MAGED1: variants seen among roughly 807,000 people sequenced by gnomAD.
The protein encoded by MAGED1 is melanoma-associated antigen D1.
In MAGED1, 3 loss-of-function variants were observed where a neutral mutation model predicts 54.1. That is an observed-to-expected ratio of 0.06 (90% CI 0.03 to 0.14). MAGED1 has a LOEUF of 0.14. Among genes scored for constraint, MAGED1 ranks in the 10% least tolerant of loss-of-function variants. The pLI is 1.00. For missense variants in MAGED1, 485 were observed against 623.4 expected (o/e 0.78, Z 2.36); for synonymous variants, 217 against 227.3 (o/e 0.95, Z 0.41).
intron 1 of MAGED1, among the ~76,000 whole-genome samples, chrX:51,876,581 G>A (rs1283603209): frequency 9.9e-5 from 11 of 110,797 alleles, no homozygotes; most frequent in African/African-American, 3.6e-4. Flanking sequence ...CCAAGCCAAG[G>A]ACTCACAACA....
chrX:51,895,107 A>G lies in MAGED1; in HGVS notation c.100A>G (p.Ile34Val), dbSNP rs887431194. 7.4e-6 allele frequency: 9 copies of G among 1,211,885 alleles called. No individual in the cohort carries two copies. The highest frequency in any genetic ancestry group is 1.7e-5 in the African/African-American group (1 of 57,832). ...ALLMQTLMEA[I>V]QISEAPPTNQ... ...GCTTATGCAGACCTTGATGGAGGCCATCCAGATCTCAGAGGCTCCACCTAC... is the reference window on the plus strand; with the variant it reads ...GCTTATGCAGACCTTGATGGAGGCCGTCCAGATCTCAGAGGCTCCACCTAC... The change falls in exon 3 of 13, where the codon ATC becomes GTC. Residue 34 changes from isoleucine to valine, a missense_variant. This residue lies in a region of MAGED1 where 299 missense variants were observed against 293.1 expected (regional missense o/e 1.02). Coordinates refer to ENST00000326587, the MANE Select transcript of MAGED1 (RefSeq NM_006986.4).
chrX:51,896,277 A>T, intron 3 of MAGED1, 132 bp from the exon 4 acceptor site: 1 of 571,594 alleles, frequency 1.7e-6, no homozygotes, highest in African/African-American at 2.3e-5. Flanking sequence ...AGACAAACCC[A>T]GGACTCAGGG....
intron 1 of MAGED1, among the ~76,000 whole-genome samples, chrX:51,804,970 C>T (rs1173956779): frequency 8.9e-6 from 1 of 112,105 alleles, no homozygotes; most frequent in African/African-American, 3.2e-5. Flanking sequence ...TTCTGCATAG[C>T]ATTAATTCAA....
At chrX:51,862,600 G>T (rs1444709842) in intron 1 of MAGED1, among the ~76,000 whole-genome samples, 1 of 111,267 alleles carries the variant, frequency 9.0e-6, no homozygotes, top group Non-Finnish European at 1.9e-5. Flanking sequence ...AAATGGAAAA[G>T]CGAACACAAA....
intron 1 of MAGED1, among the ~76,000 whole-genome samples, chrX:51,825,793 G>T (rs989590623): frequency 3.6e-5 from 4 of 111,826 alleles, no homozygotes; most frequent in African/African-American, 1.3e-4. Flanking sequence ...ATATTCCCTA[G>T]AAAATATCAG....
At chrX:51,877,590 T>A (rs1927918274) in intron 1 of MAGED1, among the ~76,000 whole-genome samples, 1 of 111,329 alleles carries the variant, frequency 9.0e-6, no homozygotes. Flanking sequence ...ACAATGATAA[T>A]CTAGTGAACA....
chrX:51,885,611 C>T (rs1274421143), intron 1 of MAGED1, among the ~76,000 whole-genome samples: 7 of 111,187 alleles, frequency 6.3e-5, no homozygotes, highest in Non-Finnish European at 1.3e-4. Context: ...CCCATTTGTT[C>T]ATTTTTTCTT....
chrX:51,866,934 A>ATCCATGTTTGGAT (rs1557361129), intron 1 of MAGED1, among the ~76,000 whole-genome samples: 1 of 112,142 alleles, frequency 8.9e-6, no homozygotes, highest in Non-Finnish European at 1.9e-5. Flanking sequence ...TAACACCAGT[A>ATCCATGTTTGGAT]AAGAGAATTT....
In MAGED1 at chrX:51,897,867, C is replaced by T; in HGVS notation, c.1639C>T (p.Leu547=). 3 of 1,202,584 alleles carry T rather than the reference C, an allele frequency of 2.5e-6. No individual in the cohort carries two copies. Among genetic ancestry groups the T allele is most frequent in the East Asian group, 3.0e-5 (1 of 33,755 alleles). ...TATTCTCATCAGTACCCCCGAGTCC[C>T]TGGCTGGCATACTGGGAACGTAAGA... ...LYILISTPES[L]AGILGTTKDT... Residue 547 remains leucine, a synonymous_variant, in exon 7 of 13, where the codon CTG becomes TTG. Coordinates refer to ENST00000326587, the MANE Select transcript of MAGED1 (RefSeq NM_006986.4).
At chrX:51,842,711 G>T (rs1375648192) in intron 1 of MAGED1, among the ~76,000 whole-genome samples, 2 of 110,800 alleles carry the variant, frequency 1.8e-5, no homozygotes, top group East Asian at 5.6e-4. Context: ...TATAAGATGG[G>T]GTATCACTCT....
chrX:51,830,112 G>C lies in MAGED1; in HGVS notation c.-37+26995G>C, dbSNP rs182033081. Among the ~76,000 whole-genome samples the C allele has an allele frequency of 2.7e-5, 3 of 112,008 alleles. No homozygotes were observed. In the Admixed American group the frequency reaches 2.8e-4, roughly 11 times the overall value. On this transcript the variant is annotated intron_variant, in intron 1 of 12. Coordinates refer to the MAGED1 transcript ENST00000375772. ...ATACAGTGCAATTTAATATGGCAGT[G>C]AAAATGAAGAAATCACATCAATATA...
Position 51,813,211 on chromosome X carries a change from C to T in MAGED1, c.-37+10094C>T, listed in dbSNP as rs1266925910. Among the ~76,000 whole-genome samples, 11 of 108,650 alleles carry T rather than the reference C, an allele frequency of 1.0e-4. 1 individual carries two copies. Among genetic ancestry groups the T allele is most frequent in the African/African-American group, 2.0e-4 (6 of 29,763 alleles). The allele number at this position is 108,650 out of a possible 115,157, so 94.3% of individuals were successfully genotyped here. On this transcript the variant is annotated intron_variant, in intron 1 of 12. Coordinates refer to the MAGED1 transcript ENST00000375772. ...GCTAATTTTGTATTTTTAATAGAGA[C>T]GGGGTTTCTCCATGTTGGTCAGGCT...
upstream of MAGED1, among the ~76,000 whole-genome samples, chrX:51,890,225 A>G (rs1164507872): frequency 8.9e-6 from 1 of 112,655 alleles, no homozygotes; most frequent in Admixed American, 9.4e-5. Context: ...ACAGTATTTC[A>G]TACATGTTTT....
chrX:51,884,245 A>G (rs1302026252), intron 1 of MAGED1, among the ~76,000 whole-genome samples: 1 of 111,114 alleles, frequency 9.0e-6, no homozygotes, highest in Non-Finnish European at 1.9e-5. Flanking sequence ...AGAACAAAAA[A>G]TCTTGAAACC....
At chrX:51,814,893 G>A (rs1277753564) in intron 1 of MAGED1, among the ~76,000 whole-genome samples, 1 of 107,160 alleles carries the variant, frequency 9.3e-6, no homozygotes, top group Non-Finnish European at 1.9e-5. Context: ...CACTTTGGGA[G>A]GCCGAGGCAG....
Position 51,834,263 on chromosome X carries a change from T to A in MAGED1, c.-37+31146T>A, listed in dbSNP as rs782549445. ...AAGATAAGAAAGCCAAGATGCTGCA[T>A]TCCTTACCACCAGTGTAAAGTTCAA... On this transcript the variant is annotated intron_variant, in intron 1 of 12. Transcript: ENST00000375772. 9.8e-5 allele frequency among the ~76,000 whole-genome samples: 11 copies of A among 111,811 alleles called. No individual in the cohort carries two copies. In the South Asian group the frequency reaches 4.1e-3, roughly 42 times the overall value.
chrX:51,847,673 A>C (rs981793107), intron 1 of MAGED1, among the ~76,000 whole-genome samples: 5 of 111,735 alleles, frequency 4.5e-5, no homozygotes, highest in Non-Finnish European at 9.4e-5. Context: ...CCCCACTGCA[A>C]AGAGTGAACT....
intron 1 of MAGED1, among the ~76,000 whole-genome samples, chrX:51,847,725 G>A (rs1195402442): frequency 9.1e-5 from 10 of 110,458 alleles, no homozygotes; most frequent in African/African-American, 2.9e-4. Context: ...CAAACTAGTC[G>A]GAGATTCTCC....
intron 12 of MAGED1, 71 bp downstream of exon 12, chrX:51,902,009 G>A (rs1490948038): frequency 1.9e-6 from 2 of 1,042,282 alleles, no homozygotes; most frequent in Non-Finnish European, 2.5e-6. Flanking sequence ...TTGTATTTAT[G>A]TGCATGAGCT....
Sources: gnomAD v4.1 joint callset for allele counts (sites outside exome capture counted in the v4.1 genomes callset) on GRCh38, gnomAD v4.1.1 for gene constraint, gnomAD v4.1.1 regional missense constraint, MANE v1.5 for transcripts, NCBI Gene and HGNC (gene_info 2026-07-23, HGNC 2026-07-21) for gene names.